Variants in CACNA2D3 observed in about 807,000 individuals in gnomAD.
CACNA2D3 encodes the protein voltage-dependent calcium channel subunit alpha-2/delta-3.
A neutral mutation model predicts 160.6 loss-of-function variants in CACNA2D3; 60 were observed. The ratio of observed to expected loss-of-function variants is 0.37; its 90% CI spans 0.30 to 0.46. The LOEUF is 0.46. Ranked by LOEUF, CACNA2D3 falls within the 20% of genes least tolerant of loss-of-function variation. The pLI, the probability that CACNA2D3 is intolerant of heterozygous loss-of-function variation, is 1.00. For synonymous variants in CACNA2D3, 558 were observed against 492.9 expected, an observed-to-expected ratio of 1.13 and a Z score of -1.75; for missense variants, 1,205 against 1,365.0, an observed-to-expected ratio of 0.88 and a Z score of 1.85.
chr3:54,616,013 C>T (rs1698841874), intron 9 of CACNA2D3, among the ~76,000 whole-genome samples: 1 of 152,168 alleles, frequency 6.6e-6, no homozygotes, highest in Admixed American at 6.5e-5. Flanking sequence ...TCATCCTTCG[C>T]CCTGCCCCGC....
intron 16 of CACNA2D3, among the ~76,000 whole-genome samples, chr3:54,839,028 C>T (rs995048563): frequency 2.6e-5 from 4 of 152,100 alleles, no homozygotes; most frequent in Admixed American, 1.3e-4. Flanking sequence ...GAGGCCGATG[C>T]GGGTGGATCA....
chr3:54,991,245 A>C (rs1702733798), intron 31 of CACNA2D3, among the ~76,000 whole-genome samples: 1 of 146,652 alleles, frequency 6.8e-6, no homozygotes, highest in Admixed American at 6.8e-5. Flanking sequence ...TTTTTTTGAG[A>C]CAGAGTCTCG....
chr3:54,909,659 T>C (rs1031929379), intron 27 of CACNA2D3, among the ~76,000 whole-genome samples: 1 of 151,434 alleles, frequency 6.6e-6, no homozygotes, highest in Non-Finnish European at 1.5e-5. Flanking sequence ...TTTTTTTTTT[T>C]TTTTTAGCTC....
At chr3:54,474,003 A>G (rs1041606644) in intron 4 of CACNA2D3, among the ~76,000 whole-genome samples, 5 of 152,194 alleles carry the variant, frequency 3.3e-5, no homozygotes, top group Non-Finnish European at 7.3e-5. Context: ...TTCCTCAGGG[A>G]TCTAGAACCA....
chr3:54,829,212 C>T (rs1703814444), intron 14 of CACNA2D3, among the ~76,000 whole-genome samples: 1 of 152,176 alleles, frequency 6.6e-6, no homozygotes, highest in African/African-American at 2.4e-5. Flanking sequence ...AGTGGATTTT[C>T]ACCTGTGTTC....
chr3:54,934,867 G>T (rs576239616), intron 27 of CACNA2D3, among the ~76,000 whole-genome samples: 1 of 152,108 alleles, frequency 6.6e-6, no homozygotes, highest in Admixed American at 6.5e-5. Flanking sequence ...GAGTAGCTGG[G>T]ATTACAGGCA....
At chr3:54,329,810 C>G (rs1274966513) in intron 3 of CACNA2D3, among the ~76,000 whole-genome samples, 1 of 152,108 alleles carries the variant, frequency 6.6e-6, no homozygotes. Flanking sequence ...TTACCAGCAA[C>G]AAATTAAAGG....
chr3:54,205,565 GAGGAAGT>G (rs1701261466), intron 2 of CACNA2D3, among the ~76,000 whole-genome samples: 1 of 152,232 alleles, frequency 6.6e-6, no homozygotes, highest in Admixed American at 6.5e-5. Flanking sequence ...GATGGAGGGA[GAGGAAGT>G]AGGGCATTGT....
intron 11 of CACNA2D3, among the ~76,000 whole-genome samples, chr3:54,730,885 G>A (rs1267808017): frequency 2.6e-5 from 4 of 152,152 alleles, no homozygotes; most frequent in East Asian, 1.9e-4. Flanking sequence ...CTGCATTACC[G>A]AAACAAAATT....
chr3:54,688,698 A>G (rs1700513128), intron 11 of CACNA2D3, among the ~76,000 whole-genome samples: 1 of 151,224 alleles, frequency 6.6e-6, no homozygotes, highest in Admixed American at 6.6e-5. Flanking sequence ...CATAGCTGCA[A>G]TTATTAATGT....
chr3:54,603,387 C>A (rs1210472486), intron 9 of CACNA2D3, among the ~76,000 whole-genome samples: 1 of 152,172 alleles, frequency 6.6e-6, no homozygotes, highest in Non-Finnish European at 1.5e-5. Context: ...TCTATCCAAC[C>A]CCTTTCTTTC....
chr3:54,436,182 C>A (rs994190040), intron 4 of CACNA2D3, among the ~76,000 whole-genome samples: 4 of 152,144 alleles, frequency 2.6e-5, no homozygotes, highest in Non-Finnish European at 5.9e-5. Flanking sequence ...AAAAAAAACT[C>A]ATCATCACTG....
intron 22 of CACNA2D3, 22 bp from the exon 23 acceptor site, chr3:54,885,467 T>C (rs746202494): frequency 1.2e-6 from 2 of 1,605,694 alleles, no homozygotes; most frequent in African/African-American, 2.7e-5. Flanking sequence ...TGCTCTTGTT[T>C]TGGGCCATGT....
At chr3:54,816,803 A>G (rs1377469462) in intron 13 of CACNA2D3, 50 bp from the exon 14 acceptor site, 2 of 1,603,414 alleles carry the variant, frequency 1.2e-6, no homozygotes, top group Non-Finnish European at 1.7e-6. Flanking sequence ...AATTACTTAT[A>G]TAATGATCAA....
intron 3 of CACNA2D3, among the ~76,000 whole-genome samples, chr3:54,347,655 TA>T (rs769255368): frequency 4.8e-4 from 69 of 143,462 alleles, no homozygotes; most frequent in South Asian, 6.6e-4. Flanking sequence ...TTGGTTGACT[TA>T]AAAAAAAAAA....
At chr3:54,265,574 T>TATAG (rs1702487515) in intron 2 of CACNA2D3, among the ~76,000 whole-genome samples, 1 of 133,802 alleles carries the variant, frequency 7.5e-6, no homozygotes, top group African/African-American at 3.5e-5. Flanking sequence ...TGTATATATA[T>TATAG]AGTGTGTGTA....
At chr3:54,883,055 C>G (rs1204656588) in intron 21 of CACNA2D3, among the ~76,000 whole-genome samples, 2 of 152,114 alleles carry the variant, frequency 1.3e-5, no homozygotes, top group South Asian at 2.1e-4. Flanking sequence ...GAGTCTTGCT[C>G]TGTTGCTGAG....
At chr3:54,211,510 A>G (rs1464182362) in intron 2 of CACNA2D3, among the ~76,000 whole-genome samples, 1 of 152,224 alleles carries the variant, frequency 6.6e-6, no homozygotes, top group African/African-American at 2.4e-5. Context: ...AGATCCTGCT[A>G]AACTGACTCT....
At chr3:54,690,646 T>C (rs1163475203) in intron 11 of CACNA2D3, among the ~76,000 whole-genome samples, 1 of 152,210 alleles carries the variant, frequency 6.6e-6, no homozygotes, top group Non-Finnish European at 1.5e-5. Context: ...CCTTTTATTC[T>C]GGGTGGCCTG....
Sources: gnomAD v4.1 joint callset for allele counts (sites outside exome capture counted in the v4.1 genomes callset) on GRCh38, gnomAD v4.1.1 for gene constraint, MANE v1.5 for transcripts, NCBI Gene and HGNC (gene_info 2026-07-23, HGNC 2026-07-21) for gene names.